Variants in ASAP1 observed in about 807,000 individuals in gnomAD.
ASAP1 encodes the protein ArfGAP with SH3 domain, ankyrin repeat and PH domain 1, also known as arf-GAP with SH3 domain, ANK repeat and PH domain-containing protein 1.
A neutral mutation model predicts 145.2 loss-of-function variants in ASAP1; 43 were observed. That is an observed-to-expected ratio of 0.30 (90% CI 0.23 to 0.38). The LOEUF is 0.38. Ranked by LOEUF, ASAP1 falls within the 10% of genes least tolerant of loss-of-function variation. The pLI is 1.00. For synonymous variants in ASAP1, 546 were observed against 515.5 expected (o/e 1.06, Z -0.80); for missense variants, 1,018 against 1,355.3 (o/e 0.75, Z 3.91).
intron 3 of ASAP1, among the ~76,000 whole-genome samples, chr8:130,319,882 T>C (rs775119743): frequency 1.5e-4 from 23 of 152,174 alleles, no homozygotes; most frequent in Non-Finnish European, 2.9e-4. Flanking sequence ...AGGCAGAAAA[T>C]GCAGCTGCAT....
At chr8:130,128,703 T>A (rs1468345851) in intron 15 of ASAP1, among the ~76,000 whole-genome samples, 1 of 152,202 alleles carries the variant, frequency 6.6e-6, no homozygotes, top group African/African-American at 2.4e-5. Flanking sequence ...GTATGACTAC[T>A]GTATGTCCCA....
chr8:130,260,314 T>A (rs373015939), intron 3 of ASAP1, among the ~76,000 whole-genome samples: 2 of 152,306 alleles, frequency 1.3e-5, no homozygotes, highest in African/African-American at 4.8e-5. Flanking sequence ...AGACCATAAA[T>A]GAGCTCTGTG....
intron 5 of ASAP1, among the ~76,000 whole-genome samples, chr8:130,209,892 C>T (rs1395349469): frequency 2.0e-5 from 3 of 151,998 alleles, no homozygotes; most frequent in African/African-American, 4.8e-5. Flanking sequence ...CTTATCACCT[C>T]GAGGTAAACA....
intron 1 of ASAP1, among the ~76,000 whole-genome samples, chr8:130,406,262 AT>A (rs1829023228): frequency 6.6e-6 from 1 of 150,682 alleles, no homozygotes; most frequent in African/African-American, 2.5e-5. Flanking sequence ...TCATTCATTC[AT>A]TCATTATTCT....
chr8:130,388,485 C>G (rs1828127044), intron 2 of ASAP1, among the ~76,000 whole-genome samples: 1 of 152,148 alleles, frequency 6.6e-6, no homozygotes, highest in South Asian at 2.1e-4. Context: ...TTCAGATCAT[C>G]AAGTCTGGAA....
chr8:130,271,914 A>G (rs545669462), intron 3 of ASAP1, among the ~76,000 whole-genome samples: 34 of 152,334 alleles, frequency 2.2e-4, no homozygotes, highest in Middle Eastern at 6.8e-3. Context: ...ATGGAAATAA[A>G]AAAAGTCATG....
At chr8:130,402,723 C>T (rs1290903632) in intron 1 of ASAP1, among the ~76,000 whole-genome samples, 1 of 152,056 alleles carries the variant, frequency 6.6e-6, no homozygotes, top group East Asian at 1.9e-4. Context: ...TCCAATCCAT[C>T]CCCAATTCAT....
chr8:130,159,089 A>G (rs112403112), intron 12 of ASAP1, among the ~76,000 whole-genome samples: 2,387 of 152,260 alleles, frequency 0.016, 34 homozygotes, highest in Middle Eastern at 0.037. Flanking sequence ...ACTGCAGAAA[A>G]AGAAGAATGA....
At chr8:130,242,479 T>C (rs539043320) in intron 3 of ASAP1, among the ~76,000 whole-genome samples, 1 of 152,084 alleles carries the variant, frequency 6.6e-6, no homozygotes, top group South Asian at 2.1e-4. Context: ...TGGCCTAATT[T>C]TGGTTTAGAC....
chr8:130,226,299 G>T (rs969718815), intron 4 of ASAP1, among the ~76,000 whole-genome samples: 1 of 152,128 alleles, frequency 6.6e-6, no homozygotes, highest in Non-Finnish European at 1.5e-5. Context: ...TATTATTGGG[G>T]AATGAGGGCT....
At chr8:130,088,476 A>G (rs1213540351) in intron 25 of ASAP1, among the ~76,000 whole-genome samples, 1 of 152,166 alleles carries the variant, frequency 6.6e-6, no homozygotes, top group Non-Finnish European at 1.5e-5. Context: ...CAGTTCTGAG[A>G]ACACAGAGAG....
chr8:130,334,195 C>T (rs1205902061), intron 3 of ASAP1, among the ~76,000 whole-genome samples: 1 of 152,136 alleles, frequency 6.6e-6, no homozygotes, highest in East Asian at 1.9e-4. Context: ...TGGACATTAT[C>T]CTATAAACCA....
intron 27 of ASAP1, among the ~76,000 whole-genome samples, chr8:130,069,954 G>C (rs2097438912): frequency 6.6e-6 from 1 of 152,218 alleles, no homozygotes; most frequent in South Asian, 2.1e-4. Context: ...AGAAGTTCCT[G>C]AAACTAGAAT....
At position 130,300,186 on chromosome 8, in the gene ASAP1, AGC is replaced by A. The variant is rs1491297457; in HGVS notation, c.186+57829_186+57830del. On this transcript the variant is annotated intron_variant, in intron 3 of 29. Coordinates refer to ENST00000518721, the MANE Select transcript of ASAP1 (RefSeq NM_018482.4). ...GAGAGAGAGAGAGAGAGAGAGAGAG[AGC>A]GAGCGAGCGAGCAGTCAATACAAAA... Among the ~76,000 whole-genome samples, 180 of 146,046 alleles carry A rather than the reference AGC, an allele frequency of 1.2e-3. 2 individuals carry two copies. Among genetic ancestry groups the A allele is most frequent in the Middle Eastern group, 3.5e-3 (1 of 286 alleles).
At chr8:130,400,321 G>T (rs969260017) in intron 2 of ASAP1, among the ~76,000 whole-genome samples, 3 of 152,092 alleles carry the variant, frequency 2.0e-5, no homozygotes, top group Non-Finnish European at 2.9e-5. Flanking sequence ...GCTTTTCATG[G>T]TTCTTCCTGT....
chr8:130,273,004 C>A (rs1276261266), intron 3 of ASAP1, among the ~76,000 whole-genome samples: 1 of 152,188 alleles, frequency 6.6e-6, no homozygotes, highest in Non-Finnish European at 1.5e-5. Context: ...GACTAGAAAT[C>A]TTCCCAACAC....
chr8:130,220,669 G>C (rs1586622696), intron 4 of ASAP1, among the ~76,000 whole-genome samples: 2 of 152,088 alleles, frequency 1.3e-5, no homozygotes, highest in Non-Finnish European at 2.9e-5. Context: ...AAACCCCACT[G>C]TATTAGTCCG....
chr8:130,112,494 T>G, intron 23 of ASAP1, 172 bp from the exon 24 acceptor site: 1 of 580,882 alleles, frequency 1.7e-6, no homozygotes, highest in Non-Finnish European at 3.1e-6. Context: ...GGGAAGGATC[T>G]AGATACCACA....
intron 3 of ASAP1, among the ~76,000 whole-genome samples, chr8:130,243,013 G>T (rs1051562329): frequency 1.3e-5 from 2 of 151,960 alleles, no homozygotes; most frequent in Non-Finnish European, 2.9e-5. Context: ...CATCATTTAG[G>T]CACTTATTCA....
Sources: gnomAD v4.1 joint callset for allele counts (sites outside exome capture counted in the v4.1 genomes callset) on GRCh38, gnomAD v4.1.1 for gene constraint, MANE v1.5 for transcripts, NCBI Gene and HGNC (gene_info 2026-07-23, HGNC 2026-07-21) for gene names.